Variants in ANKRD13A observed in about 807,000 individuals in gnomAD.
ANKRD13A encodes ankyrin repeat domain 13A, also known as ankyrin repeat domain-containing protein 13A.
In ANKRD13A, 48 loss-of-function variants were observed where a neutral mutation model predicts 81.3. The ratio of observed to expected loss-of-function variants is 0.59; its 90% CI spans 0.47 to 0.75. The LOEUF (loss-of-function observed/expected upper bound fraction) is 0.75, where lower values mean the gene tolerates loss of function less well. Ranked by LOEUF, ANKRD13A falls within the 30% of genes least tolerant of loss-of-function variation. The pLI is 0.00. For synonymous variants in ANKRD13A, 230 were observed against 270.1 expected (o/e 0.85, Z 1.45); for missense variants, 612 against 734.0 (o/e 0.83, Z 1.92).
intron 6 of ANKRD13A, chr12:110,021,146 CAG>C (rs1388629521): frequency 4.4e-6 from 2 of 456,930 alleles, no homozygotes; most frequent in Non-Finnish European, 8.8e-6. Context: ...TTGCAACTGA[CAG>C]TGTGTAGCTG....
Position 110,030,667 on chromosome 12 carries a change from A to G in ANKRD13A, c.1257A>G (p.Leu419=). 4 of 1,605,394 alleles carry G rather than the reference A, an allele frequency of 2.5e-6. No individual in the cohort carries two copies. Among genetic ancestry groups the G allele is most frequent in the Non-Finnish European group, 3.4e-6 (4 of 1,175,870 alleles). Residue 419 remains leucine (L), a synonymous_variant, in exon 12 of 15, where the codon TTA becomes TTG. Transcript: ENST00000261739. ...VKIEIPLFHV[L]NARITFGNVN... ...TAGAAATTCCCTTGTTTCATGTCTTAAATGCACGGATTACATTTGGAAATG... is the reference window on the plus strand; with the variant it reads ...TAGAAATTCCCTTGTTTCATGTCTTGAATGCACGGATTACATTTGGAAATG...
intron 7 of ANKRD13A, 61 bp from the exon 8 acceptor site, chr12:110,025,681 G>T: frequency 7.6e-7 from 1 of 1,307,220 alleles, no homozygotes. Context: ...TGCTTTTGCT[G>T]TGCTTACTTT....
chr12:110,010,087 G>A (rs955564925), intron 1 of ANKRD13A, among the ~76,000 whole-genome samples: 3 of 152,090 alleles, frequency 2.0e-5, no homozygotes, highest in South Asian at 2.1e-4. Context: ...AGTTGGTCTC[G>A]AACTCCTGAC....
rs758822760 is a variant in ANKRD13A at position 110,038,942 on chromosome 12, T to G, written c.*1388T>G. The G allele has an allele frequency of 1.3e-5, 2 of 152,236 alleles. No individual in the cohort carries two copies. Among genetic ancestry groups the G allele is most frequent in the Non-Finnish European group, 2.9e-5 (2 of 68,044 alleles). The allele number at this position is 152,236 out of a possible 1,614,324, so 9.4% of individuals were successfully genotyped here. A position where few individuals can be genotyped will look rare whatever the true frequency, so the allele number is the denominator to read the frequency against. On this transcript the variant is annotated 3_prime_UTR_variant, in exon 15 of 15. Transcript: ENST00000261739. ...CGTCTATTTCTTCTATTGTGCTTCT[T>G]TGGGGATAGGAAGAGAAACATAACT... is the stretch of plus-strand genomic sequence containing the variant.
chr12:110,034,712 T>C (rs1891922041), intron 13 of ANKRD13A, among the ~76,000 whole-genome samples: 1 of 152,182 alleles, frequency 6.6e-6, no homozygotes, highest in Non-Finnish European at 1.5e-5. Context: ...TCCATCTCCT[T>C]CCTTCTGTGC....
In ANKRD13A at chr12:110,013,214, G is replaced by C; in HGVS notation, c.319G>C (p.Glu107Gln). The change falls in exon 3 of 15, where the codon GAG (glutamate) becomes CAG (glutamine). Residue 107 changes from glutamate (E) to glutamine (Q), a missense_variant. Coordinates refer to ENST00000261739, the MANE Select transcript of ANKRD13A (RefSeq NM_033121.2). ...CTACCACAACACATCCATGGCCCTT[G>C]AGGGAGTTCCTGAGCTGCTCCAAAA... ...RDYHNTSMAL[E>Q]GVPELLQKIL... The C allele has an allele frequency of 6.2e-7, 1 of 1,614,150 alleles. No homozygotes were observed. The highest frequency in any genetic ancestry group is 8.5e-7 in the Non-Finnish European group (1 of 1,180,026).
rs1428464129 is a variant in ANKRD13A, at chr12:110,036,362, G to A, written c.1577+34G>A. The A allele has an allele frequency of 6.2e-7, 1 of 1,603,972 alleles. No individual in the cohort carries two copies. Among genetic ancestry groups the A allele is most frequent in the Non-Finnish European group, 8.5e-7 (1 of 1,171,130 alleles). ...CTGACGTGACTCTGGAATAAACCAG[G>A]GTGAACACAGGCCTGGACACAGGCG... On this transcript the variant is annotated intron_variant, in intron 14 of 14. Transcript: ENST00000261739. The surrounding 1 kb of genome is among the most constrained non-coding windows in gnomAD (Gnocchi z 4.6).
intron 4 of ANKRD13A, among the ~76,000 whole-genome samples, chr12:110,017,926 C>G (rs577969804): frequency 8.8e-5 from 13 of 148,526 alleles, no homozygotes; most frequent in Non-Finnish European, 1.8e-4. Context: ...GGTGAGACTC[C>G]GTCTCAAAAA....
Position 110,038,764 on chromosome 12 carries a change from A to T in ANKRD13A, c.*1210A>T, listed in dbSNP as rs1479336731. On this transcript the variant is annotated 3_prime_UTR_variant, in exon 15 of 15. Transcript: ENST00000261739. ...CTTTTTTGGATACCTTTAGTAGTTA[A>T]CTCTCTTTTGTCAAACCCTCTTGTA... The T allele has an allele frequency of 6.6e-6, 1 of 152,356 alleles. No homozygotes were observed. The highest frequency in any genetic ancestry group is 1.5e-5 in the Non-Finnish European group (1 of 68,022). 9.4% of individuals were successfully genotyped at this position (152,356 alleles called of 1,614,324 possible). A position where few individuals can be genotyped will look rare whatever the true frequency, so the allele number is the denominator to read the frequency against.
intron 1 of ANKRD13A, among the ~76,000 whole-genome samples, chr12:110,010,250 A>G (rs1890449364): frequency 6.6e-6 from 1 of 152,176 alleles, no homozygotes; most frequent in Non-Finnish European, 1.5e-5. Flanking sequence ...CTTTCCCATG[A>G]TAAACATTTT....
At chr12:110,013,062 T>C in intron 2 of ANKRD13A, 63 bp from the exon 3 acceptor site, 11 of 1,588,964 alleles carry the variant, frequency 6.9e-6, no homozygotes, top group Non-Finnish European at 9.5e-6. Context: ...AGATACTTTT[T>C]CAGCCTGGTT....
chr12:110,016,013 G>A (rs1425195540), intron 3 of ANKRD13A, among the ~76,000 whole-genome samples: 2 of 147,716 alleles, frequency 1.4e-5, no homozygotes, highest in East Asian at 4.0e-4. Context: ...GTGCAGTGGT[G>A]CAATCTTGGC....
At chr12:110,028,370 T>C in intron 9 of ANKRD13A, 142 bp from the exon 10 acceptor site, 1 of 832,286 alleles carries the variant, frequency 1.2e-6, no homozygotes, top group Non-Finnish European at 1.9e-6. Context: ...ATAGATTTTC[T>C]TGTTCCATGC....
Position 110,019,318 on chromosome 12 carries a change from G to A in ANKRD13A, c.724G>A (p.Ala242Thr), listed in dbSNP as rs753303334. The A allele has an allele frequency of 1.9e-6, 3 of 1,603,808 alleles. No homozygotes were observed. The Admixed American group carries it at 5.2e-5, about 28-fold the overall frequency. Residue 242 changes from alanine to threonine, a missense_variant, in exon 6 of 15, where the codon GCT becomes ACT. Coordinates refer to ENST00000261739, the MANE Select transcript of ANKRD13A (RefSeq NM_033121.2). ...INTSLDTKNI[A>T]FERTKSGFWG... ...CACCAGCCTCGATACTAAAAATATT[G>A]CTTTTGAAAGGTACAAATTTAGACT...
In ANKRD13A at chr12:110,029,626, G is replaced by C. The variant is rs765507638; in HGVS notation, c.1225G>C (p.Val409Leu). The change falls in exon 11 of 15, where the codon GTC becomes CTC. Residue 409 changes from valine to leucine, a missense_variant. Physicochemically the swap from Val to Leu is conservative, Grantham distance 32 (BLOSUM62 1). Transcript: ENST00000261739. The part of the protein sequence containing the change: ...IKLEFPPGFP[V>L]KIEIPLFHVL... The stretch of plus-strand genomic sequence containing the variant: ...ATTGGAATTCCCACCTGGATTTCCT[G>C]TCAAAATAGGTACTGCTAAATAAAC... 7 of 1,612,986 alleles carry C rather than the reference G, an allele frequency of 4.3e-6. No individual in the cohort carries two copies. Among genetic ancestry groups the C allele is most frequent in the Admixed American group, 1.7e-5 (1 of 59,988 alleles).
chr12:110,014,072 A>G (rs1200427869), intron 3 of ANKRD13A, among the ~76,000 whole-genome samples: 1 of 152,146 alleles, frequency 6.6e-6, no homozygotes, highest in African/African-American at 2.4e-5. Context: ...ATTCATTTAT[A>G]GAGAAAAATT....
intron 1 of ANKRD13A, among the ~76,000 whole-genome samples, chr12:110,004,605 T>G (rs866695127): frequency 6.6e-6 from 1 of 152,154 alleles, no homozygotes; most frequent in African/African-American, 2.4e-5. Context: ...CACTCCAGCC[T>G]GGGCAACAAG....
intron 1 of ANKRD13A, among the ~76,000 whole-genome samples, chr12:110,002,176 A>G (rs1890015956): frequency 6.6e-6 from 1 of 152,234 alleles, no homozygotes; most frequent in Admixed American, 6.5e-5. Flanking sequence ...ATGGACCTGA[A>G]AGTGCAGGCA....
rs1315360479 is a variant in ANKRD13A at position 110,036,725 on chromosome 12, G to A, written c.1577+397G>A. ...AGATCGCGCCACTGCACTCCAGCCTGGGCGATAGAGCGAGACTCCGTCTCA... is the reference window on the plus strand; with the variant it reads ...AGATCGCGCCACTGCACTCCAGCCTAGGCGATAGAGCGAGACTCCGTCTCA... On this transcript the variant is annotated intron_variant, in intron 14 of 14. Coordinates refer to ENST00000261739, the MANE Select transcript of ANKRD13A (RefSeq NM_033121.2). The surrounding 1 kb of genome is among the most constrained non-coding windows in gnomAD (Gnocchi z 4.6). Among the ~76,000 whole-genome samples the A allele has an allele frequency of 3.3e-5, 5 of 152,232 alleles. No homozygotes were observed. In the South Asian group the frequency reaches 6.2e-4, roughly 19 times the overall value.
Sources: allele counts gnomAD v4.1 joint callset (sites outside exome capture counted in the v4.1 genomes callset), GRCh38; gene constraint gnomAD v4.1.1; non-coding constraint Gnocchi (gnomAD v3.1); transcripts MANE v1.5; gene names NCBI Gene and HGNC (gene_info 2026-07-23, HGNC 2026-07-21).